Variants in NRXN3 observed in about 807,000 individuals in gnomAD.
NRXN3 encodes the protein neurexin 3, also known as neurexin III.
In NRXN3, 32 loss-of-function variants were observed where a neutral mutation model predicts 137.6. The ratio of observed to expected loss-of-function variants is 0.23; its 90% CI spans 0.18 to 0.31. The LOEUF (loss-of-function observed/expected upper bound fraction) is 0.31. Among genes scored for constraint, NRXN3 ranks in the 10% least tolerant of loss-of-function variants. NRXN3 has a pLI of 1.00. For synonymous variants in NRXN3, 798 were observed against 784.5 expected, an observed-to-expected ratio of 1.02 and a Z score of -0.29; for missense variants, 1,574 against 2,062.5, an observed-to-expected ratio of 0.76 and a Z score of 4.59.
intron 4 of NRXN3, among the ~76,000 whole-genome samples, chr14:78,345,606 C>T (rs1310789113): frequency 6.6e-6 from 1 of 152,090 alleles, no homozygotes; most frequent in Non-Finnish European, 1.5e-5. Flanking sequence ...GAGATTTCCT[C>T]TCTCTCCTCC....
chr14:78,590,550 T>A (rs1259775834), intron 4 of NRXN3, among the ~76,000 whole-genome samples: 1 of 152,168 alleles, frequency 6.6e-6, no homozygotes, highest in African/African-American at 2.4e-5. Context: ...GAAAACCCTA[T>A]GCATTTAAGA....
At chr14:78,863,820 C>A (rs996927359) in intron 10 of NRXN3, among the ~76,000 whole-genome samples, 1 of 152,052 alleles carries the variant, frequency 6.6e-6, no homozygotes, top group African/African-American at 2.4e-5. Flanking sequence ...GACCTTCTCT[C>A]TCCTCCCACT....
intron 1 of NRXN3, among the ~76,000 whole-genome samples, chr14:78,232,394 A>G (rs2065551092): frequency 6.6e-6 from 1 of 152,118 alleles, no homozygotes; most frequent in African/African-American, 2.4e-5. Flanking sequence ...ATTGCTGGGC[A>G]GGCTTATTTT....
At chr14:78,761,715 C>T (rs2098692826) in intron 8 of NRXN3, among the ~76,000 whole-genome samples, 1 of 152,070 alleles carries the variant, frequency 6.6e-6, no homozygotes, top group South Asian at 2.1e-4. Context: ...GTAGAGTACA[C>T]ATTGGGGCCT....
chr14:79,494,553 A>G (rs752558495), intron 16 of NRXN3, among the ~76,000 whole-genome samples: 35 of 152,164 alleles, frequency 2.3e-4, no homozygotes, highest in Non-Finnish European at 4.7e-4. Flanking sequence ...GGGACCAAAA[A>G]GGGTACTACT....
At chr14:78,787,759 C>T (rs1008901382) in intron 8 of NRXN3, among the ~76,000 whole-genome samples, 3 of 152,140 alleles carry the variant, frequency 2.0e-5, no homozygotes, top group Non-Finnish European at 4.4e-5. Flanking sequence ...CAGGCTCAAT[C>T]ACTAAACATA....
At chr14:78,945,046 A>T (rs2099362500) in intron 10 of NRXN3, among the ~76,000 whole-genome samples, 1 of 152,220 alleles carries the variant, frequency 6.6e-6, no homozygotes, top group South Asian at 2.1e-4. Flanking sequence ...TATTTTATGC[A>T]TATAGACGAC....
intron 16 of NRXN3, among the ~76,000 whole-genome samples, chr14:79,555,384 C>A (rs1238171369): frequency 6.6e-6 from 1 of 152,094 alleles, no homozygotes; most frequent in Non-Finnish European, 1.5e-5. Flanking sequence ...TGCAAAGTAA[C>A]CCTAATAACC....
At chr14:78,866,380 T>A (rs1235200087) in intron 10 of NRXN3, among the ~76,000 whole-genome samples, 1 of 152,204 alleles carries the variant, frequency 6.6e-6, no homozygotes, top group Non-Finnish European at 1.5e-5. Flanking sequence ...TTATTTTGTG[T>A]GGAATATGTA....
chr14:79,234,293 A>AATATACAT (rs1361214154), intron 15 of NRXN3, among the ~76,000 whole-genome samples: 1 of 56,192 alleles, frequency 1.8e-5, no homozygotes, highest in East Asian at 6.9e-4. Context: ...TTCAATGGTA[A>AATATACAT]ATATATATAT....
At chr14:78,184,304 G>A (rs2060049616) in intron 1 of NRXN3, among the ~76,000 whole-genome samples, 1 of 152,226 alleles carries the variant, frequency 6.6e-6, no homozygotes, top group South Asian at 2.1e-4. Flanking sequence ...TGTCACACTA[G>A]CCTGATTTTT....
intron 16 of NRXN3, among the ~76,000 whole-genome samples, chr14:79,565,729 T>C (rs138141471): frequency 1.3e-5 from 2 of 152,122 alleles, no homozygotes; most frequent in Non-Finnish European, 2.9e-5. Context: ...GGGAAAGAGA[T>C]GTGTCTATTT....
intron 4 of NRXN3, among the ~76,000 whole-genome samples, chr14:78,446,081 C>T (rs906188180): frequency 1.3e-5 from 2 of 152,180 alleles, no homozygotes; most frequent in Non-Finnish European, 2.9e-5. Flanking sequence ...AGTGCGTGCA[C>T]CTGACCTTGC....
At chr14:78,653,414 G>C (rs2097761917) in intron 6 of NRXN3, among the ~76,000 whole-genome samples, 1 of 152,182 alleles carries the variant, frequency 6.6e-6, no homozygotes, top group Non-Finnish European at 1.5e-5. Flanking sequence ...GCTCAGGAAT[G>C]AATGAGGCAT....
At chr14:78,394,421 C>T (rs563799606) in intron 4 of NRXN3, among the ~76,000 whole-genome samples, 1 of 151,890 alleles carries the variant, frequency 6.6e-6, no homozygotes, top group South Asian at 2.1e-4. Context: ...TTGGAGTATA[C>T]CCCAGTTGGT....
chr14:79,653,613 T>A (rs1343704574), intron 16 of NRXN3, among the ~76,000 whole-genome samples: 1 of 152,198 alleles, frequency 6.6e-6, no homozygotes, highest in Non-Finnish European at 1.5e-5. Flanking sequence ...TTGATTTTAG[T>A]ATATAAACCA....
At chr14:78,385,276 T>C (rs1172909357) in intron 4 of NRXN3, among the ~76,000 whole-genome samples, 4 of 148,854 alleles carry the variant, frequency 2.7e-5, no homozygotes, top group African/African-American at 9.9e-5. Context: ...CTTCCTATTT[T>C]CTGAACTTTA....
intron 6 of NRXN3, among the ~76,000 whole-genome samples, chr14:78,674,686 T>C (rs1305872360): frequency 1.3e-5 from 2 of 152,164 alleles, no homozygotes; most frequent in Non-Finnish European, 2.9e-5. Context: ...CCAGTATTTA[T>C]AGACTATTAG....
At chr14:78,398,886 C>T (rs151073670) in intron 4 of NRXN3, among the ~76,000 whole-genome samples, 49 of 152,278 alleles carry the variant, frequency 3.2e-4, no homozygotes, top group African/African-American at 1.1e-3. Context: ...TCTGATACCA[C>T]TCAGGCTGGC....
Sources: allele counts gnomAD v4.1 joint callset (sites outside exome capture counted in the v4.1 genomes callset), GRCh38; gene constraint gnomAD v4.1.1; transcripts MANE v1.5; gene names NCBI Gene and HGNC (gene_info 2026-07-23, HGNC 2026-07-21).